The following OXNAD1 variants were observed in gnomAD, a reference collection of about 807,000 sequenced individuals.
OXNAD1 encodes the protein oxidoreductase NAD-binding domain-containing protein 1.
OXNAD1 carries 34 observed loss-of-function variants against 32.9 expected under a neutral mutation model. The observed-to-expected ratio is 1.03, with a 90% CI of 0.79 to 1.38. The LOEUF (loss-of-function observed/expected upper bound fraction) is 1.38. Ranked by LOEUF, OXNAD1 falls within the 40% of genes most tolerant of loss-of-function variation. The probability of loss-of-function intolerance (pLI) is 0.00; values close to 1 mark genes in which losing one functional copy is unlikely to be tolerated. For synonymous variants in OXNAD1, 134 were observed against 135.2 expected (o/e 0.99, Z 0.06); for missense variants, 407 against 379.4 (o/e 1.07, Z -0.60).
chr3:16,268,665 T>G (rs1030648156), intron 1 of OXNAD1, among the ~76,000 whole-genome samples: 1 of 152,124 alleles, frequency 6.6e-6, no homozygotes, highest in Non-Finnish European at 1.5e-5. Flanking sequence ...TGTTTTCCAG[T>G]TCAGTTGAGA....
Position 16,297,611 on chromosome 3 carries a change from A to G in OXNAD1, c.432+2614A>G, listed in dbSNP as rs937837589. On this transcript the variant is annotated intron_variant, in intron 6 of 8. Transcript: ENST00000285083. This position sits in a 1 kb window ranked among gnomAD's most constrained non-coding sequence, Gnocchi z 4.3. ...AGAAACAACCCAAATGTCCCTCAGC[A>G]GGTGAATGGATAACTTGTGATATAG... 6.6e-6 allele frequency among the ~76,000 whole-genome samples: 1 copy of G among 152,238 alleles called. No individual in the cohort carries two copies. The highest frequency in any genetic ancestry group is 2.4e-5 in the African/African-American group (1 of 41,458).
intron 4 of OXNAD1, among the ~76,000 whole-genome samples, chr3:16,282,995 CAGCTT>C (rs774690691): frequency 2.0e-5 from 3 of 151,798 alleles, no homozygotes; most frequent in Non-Finnish European, 4.4e-5. Flanking sequence ...AAGAAATTCT[CAGCTT>C]AGGGTGATGG....
At chr3:16,283,251 G>A (rs1463076192) in intron 4 of OXNAD1, among the ~76,000 whole-genome samples, 1 of 152,156 alleles carries the variant, frequency 6.6e-6, no homozygotes, top group Non-Finnish European at 1.5e-5. Flanking sequence ...CTGTTCCCCA[G>A]TTTCAGGCAC....
chr3:16,296,264 C>T (rs980779947), intron 6 of OXNAD1, among the ~76,000 whole-genome samples: 3 of 143,242 alleles, frequency 2.1e-5, no homozygotes, highest in African/African-American at 7.4e-5. Context: ...ATGTAGGACC[C>T]TCTTGCAAAT....
Position 16,314,706 on chromosome 3 carries a change from T to C in OXNAD1, c.*30+11114T>C, listed in dbSNP as rs2068214365. 1 of 152,130 alleles carries C rather than the reference T, an allele frequency of 6.6e-6. No individual in the cohort carries two copies. The highest frequency in any genetic ancestry group is 2.4e-5 in the African/African-American group (1 of 41,412). The allele number at this position is 152,130 out of a possible 1,614,324, so 9.4% of individuals were successfully genotyped here. Reference sequence around the variant, plus strand: ...TTGAGGAATTCAAATTATTGTCACCTTTTTTTCCCCATAGCAAATACAGCC... The same window carrying C: ...TTGAGGAATTCAAATTATTGTCACCCTTTTTTCCCCATAGCAAATACAGCC... On this transcript the variant is annotated intron_variant, in intron 9 of 9. Coordinates refer to the OXNAD1 transcript ENST00000435829. This position sits in a 1 kb window ranked among gnomAD's most constrained non-coding sequence, Gnocchi z 4.4.
chr3:16,313,482 G>A (rs1050609048), intron 9 of OXNAD1: 2 of 152,130 alleles, frequency 1.3e-5, no homozygotes, highest in African/African-American at 4.8e-5. Flanking sequence ...GGGGAGTAGA[G>A]GATATACTTC....
At chr3:16,310,076 G>A (rs2067861249), downstream of OXNAD1, among the ~76,000 whole-genome samples, 1 of 152,184 alleles carries the variant, frequency 6.6e-6, no homozygotes, top group Admixed American at 6.5e-5. Context: ...TTAAATTCTG[G>A]AGTCAGGGCT....
rs766596976 is a variant in OXNAD1 at position 16,320,408 on chromosome 3, A to G, written c.*31-16704A>G. 1.2e-4 allele frequency among the ~76,000 whole-genome samples: 19 copies of G among 152,216 alleles called. No homozygotes were observed. The highest frequency in any genetic ancestry group is 2.4e-4 in the Non-Finnish European group (16 of 68,032). On this transcript the variant is annotated intron_variant, in intron 9 of 9. Transcript: ENST00000435829. The surrounding 1 kb of genome is among the most constrained non-coding windows in gnomAD (Gnocchi z 4.5). ...CTTAAGTTTTAATGCTAGACATACT[A>G]TGTGTGTCCTCGCTAAGAAGCTGAT...
chr3:16,302,715 C>T lies in OXNAD1; in HGVS notation c.751C>T (p.Gln251Ter). Residue 251 changes from glutamine (Q) to a stop codon, truncating the protein, a stop_gained, in exon 8 of 9, where the codon CAA becomes TAA. Transcript: ENST00000285083. LOFTEE classifies it high-confidence loss of function. This position sits in a 1 kb window ranked among gnomAD's most constrained non-coding sequence, Gnocchi z 4.2. ...TTTGCATGTTACAAAACAGACTACA[C>T]AAATCAATGCGGAACTCAAGCCATA... is the stretch of plus-strand genomic sequence containing the variant. The part of the protein sequence containing the change: ...CSLHVTKQTT[Q>*]INAELKPYIT... 6.2e-7 allele frequency: 1 copy of T among 1,613,070 alleles called. No homozygotes were observed. Among genetic ancestry groups the T allele is most frequent in the Non-Finnish European group, 8.5e-7 (1 of 1,179,250 alleles).
At chr3:16,331,562 C>T (rs193011442) in intron 9 of OXNAD1, among the ~76,000 whole-genome samples, 129 of 152,138 alleles carry the variant, frequency 8.5e-4, no homozygotes, top group African/African-American at 3.1e-3. Flanking sequence ...CCTGGTTGTA[C>T]CTGAACCCAT....
intron 4 of OXNAD1, chr3:16,275,747 TTTGA>T (rs1343431241): frequency 2.9e-5 from 5 of 169,926 alleles, no homozygotes; most frequent in African/African-American, 1.2e-4. Context: ...TCTTCAACTG[TTTGA>T]TTAATTGTGC....
In OXNAD1 at chr3:16,329,116, C is replaced by A. The variant is rs1187543433; in HGVS notation, c.*31-7996C>A. Among the ~76,000 whole-genome samples, 2 of 152,198 alleles carry A rather than the reference C, an allele frequency of 1.3e-5. No individual in the cohort carries two copies. The highest frequency in any genetic ancestry group is 2.9e-5 in the Non-Finnish European group (2 of 68,052). Reference sequence around the variant, plus strand: ...GTGAATGGGTTAATGCCAACTCAGGCAAAGGGCTTGAGGCTACAAGTTCAG... The same window carrying A: ...GTGAATGGGTTAATGCCAACTCAGGAAAAGGGCTTGAGGCTACAAGTTCAG... On this transcript the variant is annotated intron_variant, in intron 9 of 9. Coordinates refer to the OXNAD1 transcript ENST00000435829. The surrounding 1 kb of genome is among the most constrained non-coding windows in gnomAD (Gnocchi z 4.5).
chr3:16,313,428 C>G (rs1258856605), intron 9 of OXNAD1: 1 of 152,216 alleles, frequency 6.6e-6, no homozygotes, highest in Non-Finnish European at 1.5e-5. Context: ...GCTCCTGTCT[C>G]ATTGCCAGAA....
rs1475712524 is a variant in OXNAD1 at position 16,277,974 on chromosome 3, G to A, written c.183+6252G>A. Among the ~76,000 whole-genome samples the A allele has an allele frequency of 6.6e-6, 1 of 152,198 alleles. No individual in the cohort carries two copies. Among genetic ancestry groups the A allele is most frequent in the African/African-American group, 2.4e-5 (1 of 41,448 alleles). On this transcript the variant is annotated intron_variant, in intron 4 of 8. Transcript: ENST00000285083. The surrounding 1 kb of genome is among the most constrained non-coding windows in gnomAD (Gnocchi z 4.3). ...GAAATACTGTAATGCAGTAAAGATT[G>A]TTCAGGCAAGACAAATTTTACTGGA...
chr3:16,304,076 A>G lies in OXNAD1; in HGVS notation c.*514A>G, dbSNP rs1280717225. 1.3e-5 allele frequency: 2 copies of G among 152,256 alleles called. No individual in the cohort carries two copies. Among genetic ancestry groups the G allele is most frequent in the African/African-American group, 2.4e-5 (1 of 41,452 alleles). The allele number at this position is 152,256 out of a possible 1,614,324, so 9.4% of individuals were successfully genotyped here. Reference sequence around the variant, plus strand: ...GCCTACAGTCTTATTTGGTCCATCAAAGTTAAGTTTGGACATGGAAAATTG... The same window carrying G: ...GCCTACAGTCTTATTTGGTCCATCAGAGTTAAGTTTGGACATGGAAAATTG... On this transcript the variant is annotated 3_prime_UTR_variant, in exon 9 of 9. Transcript: ENST00000285083. The surrounding 1 kb of genome is among the most constrained non-coding windows in gnomAD (Gnocchi z 4.6).
In OXNAD1 at chr3:16,334,745, C is replaced by A. The variant is rs150666613; in HGVS notation, c.*31-2367C>A. On this transcript the variant is annotated intron_variant, in intron 9 of 9. Coordinates refer to the OXNAD1 transcript ENST00000435829. The surrounding 1 kb of genome is among the most constrained non-coding windows in gnomAD (Gnocchi z 4.3). ...GCCCCAAAGATGTCTACAGCCTAAT[C>A]CCAGGAGCCTGTGAAAATGTTCCCT... Among the ~76,000 whole-genome samples the A allele has an allele frequency of 7.3e-3, 1,113 of 152,300 alleles. 16 individuals carry two copies. Among genetic ancestry groups the A allele is most frequent in the African/African-American group, 0.025 (1,039 of 41,560 alleles).
downstream of OXNAD1, among the ~76,000 whole-genome samples, chr3:16,307,751 G>A (rs1044318116): frequency 7.1e-6 from 1 of 140,860 alleles, no homozygotes; most frequent in Non-Finnish European, 1.5e-5. Flanking sequence ...TTGTTTTGAA[G>A]TAATTTTAGA....
chr3:16,266,764 A>G (rs756495673), intron 1 of OXNAD1, among the ~76,000 whole-genome samples: 14 of 152,174 alleles, frequency 9.2e-5, no homozygotes, highest in Non-Finnish European at 2.1e-4. Flanking sequence ...GGGTCAATGT[A>G]TTAGGATTGA....
intron 9 of OXNAD1, among the ~76,000 whole-genome samples, chr3:16,319,466 C>T (rs1275175822): frequency 2.6e-5 from 4 of 152,166 alleles, no homozygotes; most frequent in African/African-American, 7.2e-5. Flanking sequence ...TCCAGGGCTG[C>T]GGTGCACACC....
Sources: allele counts gnomAD v4.1 joint callset (sites outside exome capture counted in the v4.1 genomes callset), GRCh38; gene constraint gnomAD v4.1.1; non-coding constraint Gnocchi (gnomAD v3.1); transcripts MANE v1.5; gene names NCBI Gene and HGNC (gene_info 2026-07-23, HGNC 2026-07-21).